A2M: variants seen among roughly 807,000 people sequenced by gnomAD.
A2M encodes C3 and PZP-like alpha-2-macroglobulin domain-containing protein 5.
In A2M, 128 loss-of-function variants were observed where a neutral mutation model predicts 183.9. The observed-to-expected ratio is 0.70, with a 90% CI of 0.60 to 0.81. The LOEUF is 0.81. Ranked by LOEUF, A2M falls within the 30% of genes least tolerant of loss-of-function variation. The pLI is 0.00. For synonymous variants in A2M, 592 were observed against 670.8 expected, an observed-to-expected ratio of 0.88 and a Z score of 1.81; for missense variants, 1,495 against 1,787.6, an observed-to-expected ratio of 0.84 and a Z score of 2.95.
chr12:9,076,618 A>G (rs1268296050), intron 28 of A2M, 138 bp downstream of exon 28: 4 of 722,962 alleles, frequency 5.5e-6, no homozygotes, highest in Non-Finnish European at 8.7e-6. Context: ...TATAAGATGC[A>G]ATATGGACAA....
At chr12:9,101,036 T>A in intron 13 of A2M, 108 bp downstream of exon 13, 1 of 1,009,254 alleles carries the variant, frequency 9.9e-7, no homozygotes, top group Non-Finnish European at 1.4e-6. Context: ...CACCACCTGT[T>A]CCCCCAAAAA....
intron 18 of A2M, among the ~76,000 whole-genome samples, chr12:9,091,830 A>G (rs1163084555): frequency 6.6e-6 from 1 of 152,202 alleles, no homozygotes; most frequent in Non-Finnish European, 1.5e-5. Context: ...CTTACAGGCA[A>G]TCTGTGCAGT....
chr12:9,102,186 A>C (rs1203661394), intron 11 of A2M, among the ~76,000 whole-genome samples: 3 of 152,090 alleles, frequency 2.0e-5, no homozygotes, highest in Non-Finnish European at 2.9e-5. Context: ...GCTGAAGTCT[A>C]CCTCTTCTGG....
Position 9,072,364 on chromosome 12 carries a change from A to G in A2M, c.4098T>C (p.Ser1366=). ...ATAGAGTCAGAAGGTCTTACCTGACACTTAGGGAGATTTGGAAGCTGGTGT... is the reference window on the plus strand; with the variant it reads ...ATAGAGTCAGAAGGTCTTACCTGACGCTTAGGGAGATTTGGAAGCTGGTGT... The part of the protein sequence containing the change: ...KAHTSFQISL[S]VSYTGSRSAS... Residue 1366 remains serine, a synonymous_variant, in exon 31 of 36, where the codon AGT becomes AGC. Transcript: ENST00000318602. 1.2e-6 allele frequency: 2 copies of G among 1,613,956 alleles called. No individual in the cohort carries two copies. The highest frequency in any genetic ancestry group is 1.7e-6 in the Non-Finnish European group (2 of 1,179,886).
At chr12:9,089,815 A>G in intron 21 of A2M, 87 bp downstream of exon 21, 1 of 914,598 alleles carries the variant, frequency 1.1e-6, no homozygotes. Context: ...ATACATGAGA[A>G]TAATATTATA....
chr12:9,067,826 A>G lies in A2M; in HGVS notation c.4422T>C (p.Ala1474=). The change falls in exon 36 of 36, where the codon GCT becomes GCC. Residue 1474 remains alanine (A), a synonymous_variant. Coordinates refer to ENST00000318602, the MANE Select transcript of A2M (RefSeq NM_000014.6). ...GCACTTTTCAGCCTTGTGGTCTTCAAGCATTTCCAAGATCTGTGACATTGG... is the reference window on the plus strand; with the variant it reads ...GCACTTTTCAGCCTTGTGGTCTTCAGGCATTTCCAAGATCTGTGACATTGG... The part of the protein sequence containing the change: ...NAPCSKDLGN[A] 3 of 1,612,842 alleles carry G rather than the reference A, an allele frequency of 1.9e-6. No individual in the cohort carries two copies. The highest frequency in any genetic ancestry group is 2.5e-6 in the Non-Finnish European group (3 of 1,179,480).
At chr12:9,088,571 A>T (rs1949116485) in intron 22 of A2M, among the ~76,000 whole-genome samples, 2 of 152,196 alleles carry the variant, frequency 1.3e-5, no homozygotes, top group Non-Finnish European at 2.9e-5. Context: ...ATTTGTAGGT[A>T]GTCAGAGAAA....
chr12:9,086,299 G>A (rs1335978802), intron 22 of A2M, among the ~76,000 whole-genome samples: 1 of 152,130 alleles, frequency 6.6e-6, no homozygotes, highest in Non-Finnish European at 1.5e-5. Context: ...TGGCTGAGGT[G>A]GTAGGATTGC....
intron 32 of A2M, 31 bp downstream of exon 32, chr12:9,070,457 A>T (rs1294191356): frequency 6.9e-7 from 1 of 1,451,254 alleles, no homozygotes; most frequent in East Asian, 2.3e-5. Flanking sequence ...ATTAAATAAA[A>T]TAGGGCAGTC....
rs760147724 is a variant in A2M, at chr12:9,101,127, AT to A, written c.1558+16del. On this transcript the variant is annotated intron_variant, in intron 13 of 35. Transcript: ENST00000318602. The stretch of plus-strand genomic sequence containing the variant: ...GTCAGAATGGGGCAGCAATGCAGAG[AT>A]GATGGAAATACTCACTGTCTTCCTG... 3.2e-6 allele frequency: 5 copies of A among 1,555,390 alleles called. No individual in the cohort carries two copies. The highest frequency in any genetic ancestry group is 4.4e-6 in the Non-Finnish European group (5 of 1,148,670).
chr12:9,079,839 G>C (rs1948856939), intron 23 of A2M, 24 bp from the exon 24 acceptor site: 1 of 1,541,006 alleles, frequency 6.5e-7, no homozygotes, highest in African/African-American at 1.4e-5. Context: ...GAGATGGGAA[G>C]TCATAAAGCT....
chr12:9,070,566 G>T lies in A2M; in HGVS notation c.4116C>A (p.Ser1372Arg), dbSNP rs746015196. 1 of 1,613,108 alleles carries T rather than the reference G, an allele frequency of 6.2e-7. No individual in the cohort carries two copies. The highest frequency in any genetic ancestry group is 1.3e-5 in the African/African-American group (1 of 75,014). The change falls in exon 32 of 36, where the codon AGC (serine) becomes AGA (arginine). Residue 1372 changes from serine (S) to arginine (R), a missense_variant. Coordinates refer to ENST00000318602, the MANE Select transcript of A2M (RefSeq NM_000014.6). ...QISLSVSYTG[S>R]RSASNMAIVD... ...CGATCGCCATGTTGGAGGCAGAGCGGCTCCCTGTGTAACTGAGGATCCAGG... is the reference window on the plus strand; with the variant it reads ...CGATCGCCATGTTGGAGGCAGAGCGTCTCCCTGTGTAACTGAGGATCCAGG...
Position 9,106,589 on chromosome 12 carries a change from C to G in A2M, c.896G>C (p.Cys299Ser), listed in dbSNP as rs750697212. The G allele has an allele frequency of 6.3e-7, 1 of 1,575,678 alleles. No homozygotes were observed. Among genetic ancestry groups the G allele is most frequent in the Non-Finnish European group, 8.7e-7 (1 of 1,155,896 alleles). ...KFSGQLNSHG[C>S]FYQQVKTKVF... ...CTTGGTTTTTACTTGCTGATAGAAG[C>G]AGCCATGGCTGTTTAGCTAAGAAGG... Residue 299 changes from cysteine to serine, a missense_variant, in exon 9 of 36, where the codon TGC (cysteine) becomes TCC (serine). Coordinates refer to ENST00000318602, the MANE Select transcript of A2M (RefSeq NM_000014.6).
chr12:9,107,716 C>G lies in A2M; in HGVS notation c.759-72G>C. On this transcript the variant is annotated intron_variant, in intron 7 of 35. Coordinates refer to ENST00000318602, the MANE Select transcript of A2M (RefSeq NM_000014.6). ...CCCCATTTTCTAGCTATTTATATCT[C>G]CCCTTTAGCTACAGTATATTCCCTG... 1.9e-6 allele frequency: 3 copies of G among 1,552,462 alleles called. No homozygotes were observed. In the Admixed American group the frequency reaches 5.1e-5, roughly 26 times the overall value.
chr12:9,079,868 AAAGTC>A (rs1948858212), intron 23 of A2M, 53 bp from the exon 24 acceptor site: 8 of 1,437,678 alleles, frequency 5.6e-6, no homozygotes, highest in African/African-American at 2.8e-5. Flanking sequence ...ATCATCTATC[AAAGTC>A]ATTAAGCAGA....
At chr12:9,102,096 A>G (rs1408785030) in intron 11 of A2M, among the ~76,000 whole-genome samples, 1 of 152,232 alleles carries the variant, frequency 6.6e-6, no homozygotes, top group Non-Finnish European at 1.5e-5. Context: ...GGTATTATGA[A>G]TAAATAAAAT....
chr12:9,091,130 T>G (rs1949199138), intron 19 of A2M, 71 bp downstream of exon 19: 1 of 1,518,938 alleles, frequency 6.6e-7, no homozygotes, highest in African/African-American at 1.4e-5. Flanking sequence ...GAGTTTGCAG[T>G]ATTCCTAGGA....
intron 15 of A2M, among the ~76,000 whole-genome samples, chr12:9,096,612 G>T (rs1316878103): frequency 6.6e-6 from 1 of 152,206 alleles, no homozygotes; most frequent in African/African-American, 2.4e-5. Context: ...CCATTTGAAG[G>T]TGAGAAGTAA....
chr12:9,079,395 A>G, intron 24 of A2M, 64 bp from the exon 25 acceptor site: 1 of 1,479,960 alleles, frequency 6.8e-7, no homozygotes. Context: ...TGGAGAAATT[A>G]CTAAAAGTAC....
Sources: gnomAD v4.1 joint callset for allele counts (sites outside exome capture counted in the v4.1 genomes callset) on GRCh38, gnomAD v4.1.1 for gene constraint, MANE v1.5 for transcripts, NCBI Gene and HGNC (gene_info 2026-07-23, HGNC 2026-07-21) for gene names.